ATP6V0E1: variants seen among roughly 807,000 people sequenced by gnomAD.
ATP6V0E1 encodes ATPase H+ transporting V0 subunit e1, also known as V-type proton ATPase subunit e 1.
ATP6V0E1 carries 4 observed loss-of-function variants against 11.6 expected under a neutral mutation model. That is an observed-to-expected ratio of 0.35 (90% confidence interval 0.17 to 0.79). The LOEUF (loss-of-function observed/expected upper bound fraction) is 0.79. ATP6V0E1 is among the 30% of genes least tolerant of loss of function. The pLI is 0.54. For missense variants in ATP6V0E1, 105 were observed against 100.0 expected (o/e 1.05, Z -0.21); for synonymous variants, 36 against 34.8 (o/e 1.04, Z -0.13).
chr5:173,008,923 A>C (rs1400128289), intron 2 of ATP6V0E1, among the ~76,000 whole-genome samples: 7 of 148,808 alleles, frequency 4.7e-5, no homozygotes, highest in African/African-American at 1.5e-4. Context: ...AAAAAAAAAA[A>C]AAAAAAAAAA....
At chr5:172,985,958 A>G (rs763118786) in intron 1 of ATP6V0E1, among the ~76,000 whole-genome samples, 1 of 152,264 alleles carries the variant, frequency 6.6e-6, no homozygotes, top group Non-Finnish European at 1.5e-5. Flanking sequence ...ACACACCTGT[A>G]CAGCATGTTA....
At chr5:173,028,381 T>A (rs1561777542) in intron 3 of ATP6V0E1, among the ~76,000 whole-genome samples, 2 of 152,178 alleles carry the variant, frequency 1.3e-5, no homozygotes, top group African/African-American at 4.8e-5. Flanking sequence ...TTTTACCTAA[T>A]GGTGAGATGA....
At chr5:173,023,814 C>T (rs1231062879) in intron 3 of ATP6V0E1, among the ~76,000 whole-genome samples, 1 of 152,086 alleles carries the variant, frequency 6.6e-6, no homozygotes, top group African/African-American at 2.4e-5. Context: ...CACTGCACTC[C>T]AGCCTGGGTG....
chr5:173,018,511 A>G (rs991674409), intron 2 of ATP6V0E1, among the ~76,000 whole-genome samples: 21 of 152,244 alleles, frequency 1.4e-4, no homozygotes, highest in Admixed American at 3.3e-4. Context: ...CCCATGTTCA[A>G]TGGTCAGCTG....
chr5:173,000,701 AT>A (rs34202828), intron 2 of ATP6V0E1, among the ~76,000 whole-genome samples: 4,352 of 139,786 alleles, frequency 0.031, 151 homozygotes, highest in African/African-American at 0.089. Flanking sequence ...ATTATCAGTG[AT>A]TTTTTTTTTT....
chr5:173,023,355 A>G (rs1368492534), intron 3 of ATP6V0E1, among the ~76,000 whole-genome samples: 1 of 152,146 alleles, frequency 6.6e-6, no homozygotes, highest in Non-Finnish European at 1.5e-5. Context: ...TACCACACCC[A>G]GCCAATTTTT....
At chr5:173,011,656 A>T (rs1756327500) in intron 2 of ATP6V0E1, among the ~76,000 whole-genome samples, 1 of 152,190 alleles carries the variant, frequency 6.6e-6, no homozygotes, top group African/African-American at 2.4e-5. Flanking sequence ...TCTCAGATCC[A>T]TTCCGGCTCT....
chr5:173,009,113 C>T (rs1414203803), intron 2 of ATP6V0E1, among the ~76,000 whole-genome samples: 1 of 151,568 alleles, frequency 6.6e-6, no homozygotes, highest in Non-Finnish European at 1.5e-5. Context: ...GTAATCCCAG[C>T]TACTCGGGAG....
At chr5:173,023,731 G>A (rs1756517353) in intron 3 of ATP6V0E1, among the ~76,000 whole-genome samples, 1 of 152,270 alleles carries the variant, frequency 6.6e-6, no homozygotes, top group East Asian at 1.9e-4. Context: ...TGTAGTTCCA[G>A]CTATTCAGGA....
chr5:173,030,036 C>T (rs543191237), intron 3 of ATP6V0E1, among the ~76,000 whole-genome samples: 4 of 152,346 alleles, frequency 2.6e-5, no homozygotes, highest in African/African-American at 9.6e-5. Context: ...AAAATTCCTT[C>T]TGCTTTCTTG....
intron 1 of ATP6V0E1, among the ~76,000 whole-genome samples, chr5:172,987,743 T>G (rs994056499): frequency 6.7e-6 from 1 of 150,016 alleles, no homozygotes; most frequent in Non-Finnish European, 1.5e-5. Flanking sequence ...AGTCAGAGAG[T>G]CTCACTGTCA....
intron 1 of ATP6V0E1, among the ~76,000 whole-genome samples, chr5:172,989,702 T>C (rs1310078618): frequency 6.6e-6 from 1 of 151,934 alleles, no homozygotes; most frequent in African/African-American, 2.4e-5. Context: ...CATTTTTGTA[T>C]TTTTTAGTAG....
At chr5:173,002,065 C>T (rs1438547877) in intron 2 of ATP6V0E1, among the ~76,000 whole-genome samples, 3 of 152,184 alleles carry the variant, frequency 2.0e-5, no homozygotes, top group African/African-American at 7.2e-5. Context: ...TTACCACCCA[C>T]CTTCAAAAAT....
At chr5:173,020,400 G>A (rs1302980022) in intron 3 of ATP6V0E1, 33 bp downstream of exon 3, 1 of 1,315,564 alleles carries the variant, frequency 7.6e-7, no homozygotes, top group African/African-American at 1.5e-5. Context: ...TTATCAGTAT[G>A]GTCAGGCAGT....
intron 3 of ATP6V0E1, among the ~76,000 whole-genome samples, chr5:173,021,356 G>A (rs1444629020): frequency 6.6e-6 from 1 of 151,312 alleles, no homozygotes; most frequent in Non-Finnish European, 1.5e-5. Context: ...TGGCTGGGGA[G>A]GCCTCACAAT....
chr5:173,022,410 C>A (rs1756499732), intron 3 of ATP6V0E1, among the ~76,000 whole-genome samples: 1 of 152,184 alleles, frequency 6.6e-6, no homozygotes, highest in African/African-American at 2.4e-5. Context: ...CATTGATGAT[C>A]ATAGCCTGAA....
intron 2 of ATP6V0E1, among the ~76,000 whole-genome samples, chr5:173,017,811 A>C (rs557458633): frequency 2.1e-4 from 31 of 149,062 alleles, no homozygotes; most frequent in Non-Finnish European, 3.6e-4. Flanking sequence ...ACTGCACTCC[A>C]GCCTGGACAA....
chr5:173,005,000 A>G (rs965530285), intron 2 of ATP6V0E1, among the ~76,000 whole-genome samples: 2 of 152,098 alleles, frequency 1.3e-5, no homozygotes, highest in African/African-American at 4.8e-5. Flanking sequence ...TCTTCTGTTC[A>G]TTGATCTCTT....
chr5:173,007,738 C>G (rs57360539), intron 2 of ATP6V0E1, among the ~76,000 whole-genome samples: 3,208 of 152,302 alleles, frequency 0.021, 104 homozygotes, highest in African/African-American at 0.072. Flanking sequence ...TCAGACCTCA[C>G]TAGACAAAGT....
Sources: gnomAD v4.1 joint callset for allele counts (sites outside exome capture counted in the v4.1 genomes callset) on GRCh38, gnomAD v4.1.1 for gene constraint, MANE v1.5 for transcripts, NCBI Gene and HGNC (gene_info 2026-07-23, HGNC 2026-07-21) for gene names.